The following NAV1 variants were observed in gnomAD, a reference collection of about 807,000 sequenced individuals.
The protein encoded by NAV1 is pore membrane and/or filament interacting like protein 3.
NAV1 carries 18 observed loss-of-function variants against 175.2 expected under a neutral mutation model. The observed-to-expected ratio is 0.10, with a 90% CI of 0.07 to 0.15. NAV1 has a LOEUF of 0.15. Ranked by LOEUF, NAV1 falls within the 10% of genes least tolerant of loss-of-function variation. The pLI, the probability that NAV1 is intolerant of heterozygous loss-of-function variation, is 1.00. For missense variants in NAV1, 1,731 were observed against 2,436.6 expected, an observed-to-expected ratio of 0.71 and a Z score of 6.10; for synonymous variants, 897 against 978.7, an observed-to-expected ratio of 0.92 and a Z score of 1.56.
intron 1 of NAV1, among the ~76,000 whole-genome samples, chr1:201,650,557 C>A (rs1377130078): frequency 6.6e-6 from 1 of 152,158 alleles, no homozygotes; most frequent in Non-Finnish European, 1.5e-5. Context: ...CGTGCCAATG[C>A]GCGTGTGAAA....
At chr1:201,802,570 G>A (rs1484098183) in intron 15 of NAV1, among the ~76,000 whole-genome samples, 2 of 151,298 alleles carry the variant, frequency 1.3e-5, no homozygotes, top group Non-Finnish European at 2.9e-5. Context: ...CATGAGGTCA[G>A]AAGTTCAAGA....
At chr1:201,811,814 T>C in intron 25 of NAV1, 57 bp downstream of exon 29, 1 of 1,610,278 alleles carries the variant, frequency 6.2e-7, no homozygotes, top group African/African-American at 1.3e-5. Flanking sequence ...GAGAACCCAG[T>C]CCAGGACAAC....
chr1:201,587,836 C>A (rs907670588), intron 1 of NAV1, among the ~76,000 whole-genome samples: 1 of 152,102 alleles, frequency 6.6e-6, no homozygotes, highest in African/African-American at 2.4e-5. Context: ...CAATAATCAT[C>A]AGGAAAAATG....
chr1:201,562,625 G>C (rs1374410591), intron 1 of NAV1, among the ~76,000 whole-genome samples: 2 of 152,232 alleles, frequency 1.3e-5, no homozygotes, highest in Non-Finnish European at 2.9e-5. Context: ...TTTTGAAACT[G>C]CTTTCTGAAA....
At position 201,810,867 on chromosome 1, in the gene NAV1, T is replaced by A; in HGVS notation, c.4797+109T>A. On this transcript the variant is annotated intron_variant, in intron 24 of 29. Coordinates refer to ENST00000367296, the Ensembl canonical transcript of NAV1. The surrounding 1 kb of genome is among the most constrained non-coding windows in gnomAD (Gnocchi z 6.0). ...TTGTTCCCTTTTCCTCACCTCTGCCTTCATCTTTCTTCTCTTCTGTGTTCA... is the reference window on the plus strand; with the variant it reads ...TTGTTCCCTTTTCCTCACCTCTGCCATCATCTTTCTTCTCTTCTGTGTTCA... The A allele has an allele frequency of 1.4e-6, 1 of 736,620 alleles. No individual in the cohort carries two copies. The highest frequency in any genetic ancestry group is 2.3e-6 in the Non-Finnish European group (1 of 442,062). The allele number at this position is 736,620 out of a possible 1,614,324, so 45.6% of individuals were successfully genotyped here.
At chr1:201,670,670 C>T (rs1473504394) in intron 1 of NAV1, among the ~76,000 whole-genome samples, 1 of 148,596 alleles carries the variant, frequency 6.7e-6, no homozygotes, top group Non-Finnish European at 1.5e-5. Context: ...TGTGGTAATG[C>T]TTTCTTTGAT....
At chr1:201,758,894 T>G (rs1674670008) in intron 3 of NAV1, among the ~76,000 whole-genome samples, 1 of 152,244 alleles carries the variant, frequency 6.6e-6, no homozygotes, top group African/African-American at 2.4e-5. Flanking sequence ...TACAATGGCT[T>G]TGTTTTCTTC....
chr1:201,783,478 T>C (rs746851263), exon 7 of NAV1: 2 of 1,614,052 alleles, frequency 1.2e-6, no homozygotes, highest in African/African-American at 2.7e-5. Context: ...ACAGTCTGGA[T>C]CTACCATCAT....
At chr1:201,775,477 T>G (rs1449795128) in intron 3 of NAV1, among the ~76,000 whole-genome samples, 1 of 152,228 alleles carries the variant, frequency 6.6e-6, no homozygotes, top group African/African-American at 2.4e-5. Context: ...CAAGTCCTAC[T>G]GCATGTGCAC....
chr1:201,787,962 T>G lies in NAV1; in HGVS notation c.2996-506T>G, dbSNP rs933704355. Among the ~76,000 whole-genome samples, 2 of 152,134 alleles carry G rather than the reference T, an allele frequency of 1.3e-5. No individual in the cohort carries two copies. The highest frequency in any genetic ancestry group is 2.4e-5 in the African/African-American group (1 of 41,428). ...AGAGTGACACTACTTTGTGGGGAGATTCTCACGCCCTTCCACAATGCCAGG... is the reference window on the plus strand; with the variant it reads ...AGAGTGACACTACTTTGTGGGGAGAGTCTCACGCCCTTCCACAATGCCAGG... On this transcript the variant is annotated intron_variant, in intron 9 of 29. Transcript: ENST00000367296. This position sits in a 1 kb window ranked among gnomAD's most constrained non-coding sequence, Gnocchi z 4.3.
At chr1:201,706,777 C>G (rs1383156868) in intron 1 of NAV1, among the ~76,000 whole-genome samples, 3 of 152,188 alleles carry the variant, frequency 2.0e-5, no homozygotes, top group Non-Finnish European at 4.4e-5. Flanking sequence ...ATTTGAAACA[C>G]TGGTGGAAAT....
At chr1:201,623,216 T>C (rs1278095676) in exon 1 of NAV1, 1 of 985,610 alleles carries the variant, frequency 1.0e-6, no homozygotes, top group Non-Finnish European at 1.2e-6. Context: ...AAAGCAGCCC[T>C]CTCCAGCCGG....
intron 2 of NAV1, among the ~76,000 whole-genome samples, chr1:201,639,072 G>A (rs905773038): frequency 6.6e-6 from 1 of 152,224 alleles, no homozygotes; most frequent in Non-Finnish European, 1.5e-5. Context: ...GCTGGGCCTT[G>A]AGGGGAGAAT....
At chr1:201,619,458 C>G (rs915038760), upstream of NAV1, among the ~76,000 whole-genome samples, 2 of 152,220 alleles carry the variant, frequency 1.3e-5, no homozygotes, top group African/African-American at 4.8e-5. Context: ...ATTATCTCAC[C>G]AATATAGCTC....
intron 1 of NAV1, among the ~76,000 whole-genome samples, chr1:201,586,707 CT>C (rs1429900965): frequency 6.6e-6 from 1 of 151,924 alleles, no homozygotes; most frequent in Non-Finnish European, 1.5e-5. Context: ...AGAGAGAGAT[CT>C]TTGGTATCTT....
At chr1:201,811,140 T>TTC (rs1678669999) in intron 24 of NAV1, among the ~76,000 whole-genome samples, 1 of 152,222 alleles carries the variant, frequency 6.6e-6, no homozygotes, top group Non-Finnish European at 1.5e-5. Flanking sequence ...TTCTCTTTTG[T>TTC]TCTCTTCCTT....
intron 2 of NAV1, among the ~76,000 whole-genome samples, chr1:201,596,696 C>T (rs1313621870): frequency 2.6e-5 from 4 of 152,176 alleles, no homozygotes; most frequent in Non-Finnish European, 4.4e-5. Context: ...TACAGGACTG[C>T]ACTAGGTGTG....
chr1:201,549,372 C>A (rs150816795), intron 1 of NAV1, among the ~76,000 whole-genome samples: 1,911 of 152,156 alleles, frequency 0.013, 34 homozygotes, highest in Non-Finnish European at 0.017. Flanking sequence ...CCACGCCTGG[C>A]TAAATTTTGC....
intron 1 of NAV1, among the ~76,000 whole-genome samples, chr1:201,698,992 AG>A (rs1671300009): frequency 6.6e-6 from 1 of 152,238 alleles, no homozygotes. Flanking sequence ...AGTGCGCCAA[AG>A]GCAAACACTT....
Sources: gnomAD v4.1 joint callset for allele counts (sites outside exome capture counted in the v4.1 genomes callset) on GRCh38, gnomAD v4.1.1 for gene constraint, Gnocchi (gnomAD v3.1) non-coding constraint, MANE v1.5 for transcripts, NCBI Gene and HGNC (gene_info 2026-07-23, HGNC 2026-07-21) for gene names.